The following TENM3 variants were observed in gnomAD, a reference collection of about 807,000 sequenced individuals.
TENM3 encodes the protein teneurin-3.
A neutral mutation model predicts 255.1 loss-of-function variants in TENM3; 63 were observed. That is an observed-to-expected ratio of 0.25 (90% CI 0.20 to 0.30). The LOEUF (loss-of-function observed/expected upper bound fraction) is 0.30, where lower values mean the gene tolerates loss of function less well. Among genes scored for constraint, TENM3 ranks in the 10% least tolerant of loss-of-function variants. The probability of loss-of-function intolerance (pLI) is 1.00; values close to 1 mark genes in which losing one functional copy is unlikely to be tolerated. For synonymous variants in TENM3, 1,306 were observed against 1,322.3 expected, an observed-to-expected ratio of 0.99 and a Z score of 0.27; for missense variants, 2,929 against 3,461.1, an observed-to-expected ratio of 0.85 and a Z score of 3.86.
chr4:182,035,768 A>G, the TENM3 span, among the ~76,000 whole-genome samples: 5 of 152,128 alleles, frequency 3.3e-5, no homozygotes, highest in African/African-American at 1.2e-4. Flanking sequence ...ATACTCTCAA[A>G]ACACAAACAT....
chr4:182,026,498 G>A, the TENM3 span, among the ~76,000 whole-genome samples: 4 of 152,126 alleles, frequency 2.6e-5, no homozygotes, highest in Non-Finnish European at 5.9e-5. Context: ...TGCTTTGGTT[G>A]CCTGTGCTCG....
chr4:182,585,553 C>T (rs1189167189), intron 3 of TENM3, among the ~76,000 whole-genome samples: 1 of 152,180 alleles, frequency 6.6e-6, no homozygotes, highest in Non-Finnish European at 1.5e-5. Flanking sequence ...AGAAAACAGC[C>T]ATCTGCAAGC....
At chr4:181,671,218 T>A in the TENM3 span, among the ~76,000 whole-genome samples, 1 of 152,166 alleles carries the variant, frequency 6.6e-6, no homozygotes, top group African/African-American at 2.4e-5. Flanking sequence ...TCAACTTACC[T>A]CCTATTATAA....
the TENM3 span, among the ~76,000 whole-genome samples, chr4:181,661,655 A>G: frequency 1.3e-5 from 2 of 152,188 alleles, no homozygotes; most frequent in South Asian, 4.1e-4. Context: ...CAGAAAAATG[A>G]TTACTGATAT....
chr4:182,420,742 A>T (rs1022162756), intron 3 of TENM3, among the ~76,000 whole-genome samples: 1 of 152,218 alleles, frequency 6.6e-6, no homozygotes, highest in Non-Finnish European at 1.5e-5. Flanking sequence ...ACCAAACTAT[A>T]GGTATGTCAA....
chr4:181,683,759 G>A, the TENM3 span, among the ~76,000 whole-genome samples: 1 of 152,118 alleles, frequency 6.6e-6, no homozygotes, highest in African/African-American at 2.4e-5. Context: ...ATAGAGAGTG[G>A]TGAAATCTGT....
intron 3 of TENM3, among the ~76,000 whole-genome samples, chr4:182,355,270 G>A (rs939736653): frequency 6.6e-6 from 1 of 152,152 alleles, no homozygotes; most frequent in African/African-American, 2.4e-5. Flanking sequence ...AAGCCACAAG[G>A]AGTTTGATGC....
intron 1 of TENM3, among the ~76,000 whole-genome samples, chr4:182,198,614 A>G (rs930660651): frequency 6.6e-6 from 1 of 152,238 alleles, no homozygotes; most frequent in African/African-American, 2.4e-5. Flanking sequence ...GAGCAGTTGG[A>G]ATGAAGCTGA....
At chr4:181,704,260 G>C in the TENM3 span, among the ~76,000 whole-genome samples, 2 of 152,102 alleles carry the variant, frequency 1.3e-5, no homozygotes, top group Non-Finnish European at 2.9e-5. Flanking sequence ...AACCTCCTCA[G>C]CTCCAGGGTC....
At chr4:182,520,138 T>G (rs570020707) in intron 3 of TENM3, among the ~76,000 whole-genome samples, 1 of 152,106 alleles carries the variant, frequency 6.6e-6, no homozygotes, top group Admixed American at 6.5e-5. Flanking sequence ...AAGATACAGA[T>G]AGGAAGGAAG....
chr4:182,001,002 CTTTT>C, the TENM3 span, among the ~76,000 whole-genome samples: 1 of 130,502 alleles, frequency 7.7e-6, no homozygotes, highest in African/African-American at 2.8e-5. Context: ...GTTTTCTTTC[CTTTT>C]TTTTTTTTTT....
chr4:182,793,136 T>C lies in TENM3; in HGVS notation c.6464T>C (p.Leu2155Pro), dbSNP rs1447681977. ...EKIMWRYNYD[L>P]NGNLHLLNPS... ...ATAATGTGGCGGTACAACTACGATCTGAATGGAAACCTCCATTTACTGAAC... is the reference window on the plus strand; with the variant it reads ...ATAATGTGGCGGTACAACTACGATCCGAATGGAAACCTCCATTTACTGAAC... The change falls in exon 26 of 28, where the codon CTG becomes CCG. Residue 2155 changes from leucine to proline, a missense_variant. This residue lies in a region of TENM3 where 256 missense variants were observed against 389.3 expected (regional missense o/e 0.66). Transcript: ENST00000511685. The surrounding 1 kb of genome is among the most constrained non-coding windows in gnomAD (Gnocchi z 5.7). The C allele has an allele frequency of 1.9e-6, 3 of 1,614,048 alleles. No individual in the cohort carries two copies. The highest frequency in any genetic ancestry group is 2.5e-6 in the Non-Finnish European group (3 of 1,179,906).
intron 3 of TENM3, among the ~76,000 whole-genome samples, chr4:182,465,009 T>C (rs1334737646): frequency 2.0e-5 from 3 of 152,220 alleles, no homozygotes; most frequent in African/African-American, 7.2e-5. Context: ...TGGCATATTA[T>C]AGAAACAACT....
At chr4:182,664,963 G>C (rs1179615368) in intron 6 of TENM3, among the ~76,000 whole-genome samples, 1 of 152,204 alleles carries the variant, frequency 6.6e-6, no homozygotes, top group Non-Finnish European at 1.5e-5. Flanking sequence ...TGATGTATAA[G>C]CTGCAGCAAG....
rs1404243922 is a variant in TENM3, at chr4:182,789,365, A to G, written c.5577A>G (p.Thr1859=). Residue 1859 remains threonine, a synonymous_variant, in exon 25 of 28, where the codon ACA becomes ACG. Transcript: ENST00000511685. This position sits in a 1 kb window ranked among gnomAD's most constrained non-coding sequence, Gnocchi z 4.4. The part of the protein sequence containing the change: ...IVSRVFADGK[T]WSYTYLEKSM... ...CTCGGGTCTTTGCTGATGGTAAAACATGGAGTTACACATATTTAGAAAAGG... is the reference window on the plus strand; with the variant it reads ...CTCGGGTCTTTGCTGATGGTAAAACGTGGAGTTACACATATTTAGAAAAGG... 6.2e-7 allele frequency: 1 copy of G among 1,613,324 alleles called. No homozygotes were observed. Among genetic ancestry groups the G allele is most frequent in the East Asian group, 2.2e-5 (1 of 44,882 alleles).
At chr4:182,709,192 A>G (rs904150719) in intron 12 of TENM3, among the ~76,000 whole-genome samples, 2 of 152,146 alleles carry the variant, frequency 1.3e-5, no homozygotes, top group African/African-American at 4.8e-5. Context: ...CATGTTGGCC[A>G]GGATGGTCTC....
At chr4:182,346,155 T>A (rs1764793515) in intron 2 of TENM3, among the ~76,000 whole-genome samples, 1 of 152,066 alleles carries the variant, frequency 6.6e-6, no homozygotes, top group East Asian at 1.9e-4. Flanking sequence ...CGGAAAAATA[T>A]AAGAAGAATG....
At chr4:182,168,785 T>C (rs905747392) in intron 1 of TENM3, among the ~76,000 whole-genome samples, 10 of 151,594 alleles carry the variant, frequency 6.6e-5, no homozygotes, top group African/African-American at 2.2e-4. Flanking sequence ...TTTTCTTCTC[T>C]AAGTGGATAT....
At chr4:182,076,468 C>T in the TENM3 span, among the ~76,000 whole-genome samples, 1 of 152,186 alleles carries the variant, frequency 6.6e-6, no homozygotes, top group African/African-American at 2.4e-5. Flanking sequence ...TCCCAAAGCG[C>T]TGGGATTACA....
Sources: allele counts gnomAD v4.1 joint callset (sites outside exome capture counted in the v4.1 genomes callset), GRCh38; gene constraint gnomAD v4.1.1; regional missense constraint gnomAD v4.1.1; non-coding constraint Gnocchi (gnomAD v3.1); transcripts MANE v1.5; gene names NCBI Gene and HGNC (gene_info 2026-07-23, HGNC 2026-07-21).